The following PICALM variants were observed in gnomAD, a reference collection of about 807,000 sequenced individuals.
The protein encoded by PICALM is phosphatidylinositol binding clathrin assembly protein.
PICALM carries 40 observed loss-of-function variants against 80.5 expected under a neutral mutation model. The ratio of observed to expected loss-of-function variants is 0.50; its 90% CI spans 0.39 to 0.65. PICALM has a LOEUF of 0.65. Ranked by LOEUF, PICALM falls within the 30% of genes least tolerant of loss-of-function variation. PICALM has a pLI of 0.00. For missense variants in PICALM, 676 were observed against 778.9 expected (o/e 0.87, Z 1.57); for synonymous variants, 288 against 260.3 (o/e 1.11, Z -1.02).
Position 85,982,308 on chromosome 11 carries a change from A to T in PICALM, c.1517-305T>A, listed in dbSNP as rs528941420. ...AAAAAACAAATGTAATTCTCCTGCT[A>T]GCCCAGCAAAATTTTCTGAAGACTC... On this transcript the variant is annotated intron_variant, in intron 14 of 19. Coordinates refer to ENST00000393346, the MANE Select transcript of PICALM (RefSeq NM_007166.4). The T allele has an allele frequency of 1.7e-5, 4 of 236,476 alleles. No individual in the cohort carries two copies. The South Asian group carries it at 2.2e-4, about 13-fold the overall frequency. 14.6% of individuals were successfully genotyped at this position (236,476 alleles called of 1,614,324 possible).
chr11:86,025,114 A>G (rs1278002334), intron 3 of PICALM, among the ~76,000 whole-genome samples: 1 of 152,216 alleles, frequency 6.6e-6, no homozygotes, highest in East Asian at 1.9e-4. Flanking sequence ...TAAATAAAAA[A>G]TAGCAGGCCG....
chr11:86,021,788 C>T (rs1302122856), intron 4 of PICALM, among the ~76,000 whole-genome samples: 3 of 152,082 alleles, frequency 2.0e-5, no homozygotes, highest in Non-Finnish European at 2.9e-5. Context: ...GTGGCCATCA[C>T]CTTATGAACA....
intron 3 of PICALM, among the ~76,000 whole-genome samples, chr11:86,024,656 T>G (rs761625105): frequency 6.6e-6 from 1 of 151,904 alleles, no homozygotes; most frequent in Non-Finnish European, 1.5e-5. Flanking sequence ...TATAAAAAAT[T>G]TTTGTGCTTG....
intron 1 of PICALM, among the ~76,000 whole-genome samples, chr11:86,040,661 C>T (rs1258844338): frequency 2.0e-5 from 3 of 152,052 alleles, no homozygotes; most frequent in Non-Finnish European, 2.9e-5. Context: ...AAAATGCAGG[C>T]TTGCTTTATA....
chr11:85,957,356 A>C lies in PICALM; in HGVS notation c.*1690T>G, dbSNP rs1565172432. The stretch of plus-strand genomic sequence containing the variant: ...CTAAATAGGCAATATGATACAATCA[A>C]AGGTTTCTTTGGCAGACATAATTAT... On this transcript the variant is annotated 3_prime_UTR_variant, in exon 20 of 20. Transcript: ENST00000393346. Among the ~76,000 whole-genome samples, 2 of 152,220 alleles carry C rather than the reference A, an allele frequency of 1.3e-5. No homozygotes were observed. The highest frequency in any genetic ancestry group is 4.8e-5 in the African/African-American group (2 of 41,456).
chr11:86,063,035 A>G (rs1031327916), intron 1 of PICALM, among the ~76,000 whole-genome samples: 1 of 152,220 alleles, frequency 6.6e-6, no homozygotes, highest in Non-Finnish European at 1.5e-5. Context: ...TAAGTGAGAA[A>G]CCATGAAATT....
In PICALM at chr11:86,022,482, A is replaced by G. The variant is rs775862399; in HGVS notation, c.350-13T>C. 3.8e-6 allele frequency: 5 copies of G among 1,310,550 alleles called. No individual in the cohort carries two copies. The highest frequency in any genetic ancestry group is 2.5e-5 in the East Asian group (1 of 39,468). 81.2% of individuals were successfully genotyped at this position (1,310,550 alleles called of 1,614,324 possible). Reference sequence around the variant, plus strand: ...GACATGTCATATCCTGTAAAAAAACAAAAACAAAAACAAAACAAAGAGAGA... The same window carrying G: ...GACATGTCATATCCTGTAAAAAAACGAAAACAAAAACAAAACAAAGAGAGA... On this transcript the variant is annotated splice_polypyrimidine_tract_variant and intron_variant, in intron 3 of 19. Transcript: ENST00000393346.
chr11:86,024,493 A>G (rs2095618420), intron 3 of PICALM, among the ~76,000 whole-genome samples: 1 of 150,058 alleles, frequency 6.7e-6, no homozygotes, highest in African/African-American at 2.4e-5. Flanking sequence ...GCCCTGATTA[A>G]CTCTACACTA....
At chr11:85,961,701 A>G (rs1490926494) in intron 19 of PICALM, among the ~76,000 whole-genome samples, 1 of 152,232 alleles carries the variant, frequency 6.6e-6, no homozygotes, top group Non-Finnish European at 1.5e-5. Flanking sequence ...AAAGCATATA[A>G]GCACAGGACT....
At chr11:86,010,540 T>A (rs1302412182) in intron 7 of PICALM, among the ~76,000 whole-genome samples, 1 of 152,136 alleles carries the variant, frequency 6.6e-6, no homozygotes, top group Non-Finnish European at 1.5e-5. Flanking sequence ...TTGGCCAGTC[T>A]TGAACTCCTG....
chr11:85,985,278 T>G (rs561203653), intron 13 of PICALM, among the ~76,000 whole-genome samples: 2 of 152,286 alleles, frequency 1.3e-5, no homozygotes, highest in Admixed American at 6.5e-5. Flanking sequence ...AGGACAAGAT[T>G]TGGTGAGATG....
chr11:85,972,648 C>T (rs893879667), intron 19 of PICALM, among the ~76,000 whole-genome samples: 10 of 152,298 alleles, frequency 6.6e-5, no homozygotes, highest in Non-Finnish European at 1.3e-4. Flanking sequence ...AGGAAAAACA[C>T]TTCTGTAGTC....
At chr11:86,004,652 A>G (rs1354930457) in intron 8 of PICALM, among the ~76,000 whole-genome samples, 1 of 152,180 alleles carries the variant, frequency 6.6e-6, no homozygotes, top group Non-Finnish European at 1.5e-5. Flanking sequence ...CAAATGCACC[A>G]GTAGCATTTA....
chr11:86,018,919 C>T (rs2095523072), intron 4 of PICALM, among the ~76,000 whole-genome samples: 1 of 150,586 alleles, frequency 6.6e-6, no homozygotes, highest in Non-Finnish European at 1.5e-5. Flanking sequence ...TGAGATGGAT[C>T]TATGTGTACA....
chr11:86,045,389 C>G (rs992213873), intron 1 of PICALM, among the ~76,000 whole-genome samples: 1 of 151,866 alleles, frequency 6.6e-6, no homozygotes, highest in African/African-American at 2.4e-5. Context: ...GTAGTCCCAG[C>G]CACTCAGGAG....
chr11:86,028,838 CTTTT>C (rs71040205), intron 2 of PICALM, among the ~76,000 whole-genome samples: 6 of 126,348 alleles, frequency 4.7e-5, no homozygotes, highest in Non-Finnish European at 6.7e-5. Context: ...TTTTAATTTT[CTTTT>C]TTTTTTTTTT....
chr11:86,067,200 G>C (rs764982051), intron 1 of PICALM, among the ~76,000 whole-genome samples: 1 of 152,042 alleles, frequency 6.6e-6, no homozygotes, highest in African/African-American at 2.4e-5. Flanking sequence ...CAAACTTTAC[G>C]GCCAAAGTCC....
chr11:85,981,426 C>A (rs964766486), intron 16 of PICALM, among the ~76,000 whole-genome samples, 198 bp from the exon 17 acceptor site: 1 of 151,812 alleles, frequency 6.6e-6, no homozygotes, highest in Non-Finnish European at 1.5e-5. Context: ...GCTAACACGG[C>A]GAAACCCCGT....
intron 19 of PICALM, among the ~76,000 whole-genome samples, chr11:85,963,920 C>CATTTT (rs2093780465): frequency 1.4e-5 from 1 of 72,878 alleles, no homozygotes; most frequent in Non-Finnish European, 2.5e-5. Context: ...CCACACCTGG[C>CATTTT]TTTTTTTTTT....
Sources: allele counts gnomAD v4.1 joint callset (sites outside exome capture counted in the v4.1 genomes callset), GRCh38; gene constraint gnomAD v4.1.1; transcripts MANE v1.5; gene names NCBI Gene and HGNC (gene_info 2026-07-23, HGNC 2026-07-21).